Variants in UBE2O observed in about 807,000 individuals in gnomAD.
UBE2O encodes the protein (E3-independent) E2 ubiquitin-conjugating enzyme.
A neutral mutation model predicts 125.8 loss-of-function variants in UBE2O; 15 were observed. The ratio of observed to expected loss-of-function variants is 0.12; its 90% CI spans 0.08 to 0.18. The LOEUF (loss-of-function observed/expected upper bound fraction) is 0.18, where lower values mean the gene tolerates loss of function less well. Among genes scored for constraint, UBE2O ranks in the 10% least tolerant of loss-of-function variants. The pLI is 1.00. For synonymous variants in UBE2O, 708 were observed against 703.2 expected (o/e 1.01, Z -0.11); for missense variants, 1,280 against 1,723.6 (o/e 0.74, Z 4.56).
chr17:76,441,620 A>C (rs1335982907), intron 1 of UBE2O, among the ~76,000 whole-genome samples: 1 of 152,260 alleles, frequency 6.6e-6, no homozygotes, highest in African/African-American at 2.4e-5. Context: ...AGTCCCAGCC[A>C]GCAGCATCAA....
At chr17:76,436,548 T>C (rs938562283) in intron 1 of UBE2O, among the ~76,000 whole-genome samples, 6 of 152,124 alleles carry the variant, frequency 3.9e-5, no homozygotes, top group Non-Finnish European at 8.8e-5. Context: ...TGCTGGACCC[T>C]GAATCCCCGA....
chr17:76,396,048 C>T lies in UBE2O; in HGVS notation c.2809+80G>A. ...TGGGGTCTGGCGAGGGGACTAACCA[C>T]CCTGCACCCAGATCTGGTGACACAA... On this transcript the variant is annotated intron_variant, in intron 14 of 17. Transcript: ENST00000319380. The surrounding 1 kb of genome is among the most constrained non-coding windows in gnomAD (Gnocchi z 6.7). 6.5e-7 allele frequency: 1 copy of T among 1,530,350 alleles called. No homozygotes were observed. The highest frequency in any genetic ancestry group is 8.9e-7 in the Non-Finnish European group (1 of 1,122,828). The allele number at this position is 1,530,350 out of a possible 1,614,324, so 94.8% of individuals were successfully genotyped here. A position where few individuals can be genotyped will look rare whatever the true frequency, so the allele number is the denominator to read the frequency against.
chr17:76,446,682 G>A lies in UBE2O; in HGVS notation c.417+6043C>T, dbSNP rs147497740. Reference sequence around the variant, plus strand: ...CCAGCCGAAGGATGACAGCAGCAGAGCGGACAGGAGGTCAAGTTGGAGCTC... The same window carrying A: ...CCAGCCGAAGGATGACAGCAGCAGAACGGACAGGAGGTCAAGTTGGAGCTC... On this transcript the variant is annotated intron_variant, in intron 1 of 17. Transcript: ENST00000319380. Among the ~76,000 whole-genome samples the A allele has an allele frequency of 1.2e-4, 18 of 152,332 alleles. No homozygotes were observed. In the East Asian group the frequency reaches 3.3e-3, roughly 28 times the overall value.
In UBE2O at chr17:76,436,720, C is replaced by T. The variant is rs531824451; in HGVS notation, c.417+16005G>A. ...AAAGCATCCTACTTGACCCCTTGCCCTGACATCAAAAGCCACTGGCTAGCA... is the reference window on the plus strand; with the variant it reads ...AAAGCATCCTACTTGACCCCTTGCCTTGACATCAAAAGCCACTGGCTAGCA... On this transcript the variant is annotated intron_variant, in intron 1 of 17. Transcript: ENST00000319380. Among the ~76,000 whole-genome samples the T allele has an allele frequency of 3.3e-5, 5 of 152,326 alleles. No homozygotes were observed. The South Asian group carries it at 1.0e-3, about 32-fold the overall frequency.
At chr17:76,397,299 C>A (rs570959270) in intron 13 of UBE2O, among the ~76,000 whole-genome samples, 3 of 152,242 alleles carry the variant, frequency 2.0e-5, no homozygotes, top group South Asian at 2.1e-4. Flanking sequence ...TTCCCGCCCC[C>A]ACTCCTGCCC....
intron 1 of UBE2O, among the ~76,000 whole-genome samples, chr17:76,416,070 T>C (rs891098661): frequency 2.0e-5 from 3 of 151,450 alleles, no homozygotes; most frequent in Admixed American, 1.3e-4. Context: ...CGTATATACG[T>C]ATGTGTATAC....
rs1038384076 is a variant in UBE2O, at chr17:76,408,573, C to A, written c.418-3001G>T. 1.4e-4 allele frequency among the ~76,000 whole-genome samples: 21 copies of A among 152,208 alleles called. No individual in the cohort carries two copies. The East Asian group carries it at 4.0e-3, about 29-fold the overall frequency. On this transcript the variant is annotated intron_variant, in intron 1 of 17. Coordinates refer to ENST00000319380, the MANE Select transcript of UBE2O (RefSeq NM_022066.4). ...TCTGGCAGGTCTACACATTTAAAGACAGTGATTCTTCTGCTTATGAAAGAA... is the reference window on the plus strand; with the variant it reads ...TCTGGCAGGTCTACACATTTAAAGAAAGTGATTCTTCTGCTTATGAAAGAA...
intron 3 of UBE2O, among the ~76,000 whole-genome samples, chr17:76,403,089 A>G (rs2072356973): frequency 6.6e-6 from 1 of 152,158 alleles, no homozygotes; most frequent in Non-Finnish European, 1.5e-5. Flanking sequence ...CTACATGGAC[A>G]GTGCTCTGAG....
In UBE2O at chr17:76,410,404, G is replaced by C. The variant is rs1392274368; in HGVS notation, c.418-4832C>G. Among the ~76,000 whole-genome samples the C allele has an allele frequency of 1.3e-5, 2 of 151,996 alleles. No individual in the cohort carries two copies. Among genetic ancestry groups the C allele is most frequent in the Admixed American group, 6.6e-5 (1 of 15,260 alleles). On this transcript the variant is annotated intron_variant, in intron 1 of 17. Coordinates refer to ENST00000319380, the MANE Select transcript of UBE2O (RefSeq NM_022066.4). The surrounding 1 kb of genome is among the most constrained non-coding windows in gnomAD (Gnocchi z 4.0). ...GGGGTTCTGGTATCTAGTGGGCAGA[G>C]GCCAGAATGCTGAGCATCTAACAAC...
intron 1 of UBE2O, among the ~76,000 whole-genome samples, chr17:76,435,934 C>T (rs2072989832): frequency 6.6e-6 from 1 of 152,206 alleles, no homozygotes; most frequent in Admixed American, 6.5e-5. Context: ...GGGGATCCTG[C>T]AGATGTCACA....
At chr17:76,448,646 A>C (rs1381182858) in intron 1 of UBE2O, among the ~76,000 whole-genome samples, 1 of 152,262 alleles carries the variant, frequency 6.6e-6, no homozygotes, top group Non-Finnish European at 1.5e-5. Flanking sequence ...GAAAAAGCAC[A>C]AGAAAGCTAA....
chr17:76,391,892 G>T lies in UBE2O; in HGVS notation c.3150+18C>A. ...GGCTCTTCCTCCTTCTTGGCTGGGG[G>T]CCTGGCCCTATACTCACCTTTCCAA... On this transcript the variant is annotated intron_variant, in intron 16 of 17. Coordinates refer to ENST00000319380, the MANE Select transcript of UBE2O (RefSeq NM_022066.4). This position sits in a 1 kb window ranked among gnomAD's most constrained non-coding sequence, Gnocchi z 8.4. The T allele has an allele frequency of 6.2e-7, 1 of 1,613,610 alleles. No individual in the cohort carries two copies. The highest frequency in any genetic ancestry group is 8.5e-7 in the Non-Finnish European group (1 of 1,179,782).
intron 15 of UBE2O, among the ~76,000 whole-genome samples, chr17:76,394,820 A>C (rs1222835398): frequency 6.6e-6 from 1 of 152,182 alleles, no homozygotes; most frequent in Non-Finnish European, 1.5e-5. Context: ...GTAATGTTCT[A>C]ATTTTTCAAA....
Position 76,400,101 on chromosome 17 carries a change from G to T in UBE2O, c.1155+46C>A. 1 of 1,593,418 alleles carries T rather than the reference G, an allele frequency of 6.3e-7. No homozygotes were observed. The highest frequency in any genetic ancestry group is 8.6e-7 in the Non-Finnish European group (1 of 1,168,612). On this transcript the variant is annotated intron_variant, in intron 8 of 17. Transcript: ENST00000319380. This position sits in a 1 kb window ranked among gnomAD's most constrained non-coding sequence, Gnocchi z 4.3. ...CTTCTTGGCCATGGAAATGGCTCAA[G>T]GCCAGTTCCTCAAATGCCCACCAAT...
chr17:76,423,725 T>TAAATAAATAAAAAAAA (rs1407680083), intron 1 of UBE2O, among the ~76,000 whole-genome samples: 11 of 148,922 alleles, frequency 7.4e-5, no homozygotes, highest in African/African-American at 2.0e-4. Flanking sequence ...AATAAATAAA[T>TAAATAAATAAAAAAAA]AAAAAATAAG....
chr17:76,416,044 T>C (rs573479010), intron 1 of UBE2O, among the ~76,000 whole-genome samples: 1 of 151,690 alleles, frequency 6.6e-6, no homozygotes, highest in Non-Finnish European at 1.5e-5. Context: ...TATGTGTGTG[T>C]ACATATGTAC....
At chr17:76,434,476 C>T (rs970458072) in intron 1 of UBE2O, among the ~76,000 whole-genome samples, 1 of 152,162 alleles carries the variant, frequency 6.6e-6, no homozygotes, top group Non-Finnish European at 1.5e-5. Context: ...GCCAATAGTC[C>T]TGCCATGAAC....
chr17:76,427,477 T>A (rs2072830932), intron 1 of UBE2O, among the ~76,000 whole-genome samples: 1 of 152,222 alleles, frequency 6.6e-6, no homozygotes, highest in Non-Finnish European at 1.5e-5. Flanking sequence ...ATGTTGAGAA[T>A]CTTGTGTTTG....
At chr17:76,425,107 G>A (rs1157185020) in intron 1 of UBE2O, among the ~76,000 whole-genome samples, 5 of 151,072 alleles carry the variant, frequency 3.3e-5, no homozygotes, top group East Asian at 3.9e-4. Flanking sequence ...TCCTGACCTC[G>A]TGATCCACCC....
Sources: gnomAD v4.1 joint callset for allele counts (sites outside exome capture counted in the v4.1 genomes callset) on GRCh38, gnomAD v4.1.1 for gene constraint, Gnocchi (gnomAD v3.1) non-coding constraint, MANE v1.5 for transcripts, NCBI Gene and HGNC (gene_info 2026-07-23, HGNC 2026-07-21) for gene names.